Variants in RFC1 observed in about 807,000 individuals in gnomAD.
The protein encoded by RFC1 is replication factor C subunit 1.
A neutral mutation model predicts 137.4 loss-of-function variants in RFC1; 37 were observed. The observed-to-expected ratio is 0.27, with a 90% CI of 0.21 to 0.35. RFC1 has a LOEUF of 0.35. Among genes scored for constraint, RFC1 ranks in the 10% least tolerant of loss-of-function variants. The pLI is 1.00. For missense variants in RFC1, 1,205 were observed against 1,358.5 expected, an observed-to-expected ratio of 0.89 and a Z score of 1.78; for synonymous variants, 429 against 455.7, an observed-to-expected ratio of 0.94 and a Z score of 0.75.
intron 6 of RFC1, among the ~76,000 whole-genome samples, chr4:39,326,255 A>G (rs1739758293): frequency 6.6e-6 from 1 of 152,178 alleles, no homozygotes; most frequent in Non-Finnish European, 1.5e-5. Flanking sequence ...ACTAAATTCC[A>G]AAGTCCTTAT....
chr4:39,365,850 C>T (rs563348212), intron 1 of RFC1, among the ~76,000 whole-genome samples: 4 of 152,290 alleles, frequency 2.6e-5, no homozygotes, highest in South Asian at 4.1e-4. Context: ...CCCTCGTGAC[C>T]CAAAGCTTGA....
chr4:39,332,755 C>T lies in RFC1; in HGVS notation c.332-4999G>A, dbSNP rs546674449. On this transcript the variant is annotated intron_variant, in intron 4 of 24. Coordinates refer to ENST00000349703, the MANE Select transcript of RFC1 (RefSeq NM_002913.5). ...GAAGTCTGCCCTTATTTCTTCCTTA[C>T]GTCCCCTTCTCTATAAATAGTAAAA... Among the ~76,000 whole-genome samples the T allele has an allele frequency of 7.9e-5, 12 of 152,308 alleles. No homozygotes were observed. The East Asian group carries it at 1.3e-3, about 17-fold the overall frequency.
intron 1 of RFC1, among the ~76,000 whole-genome samples, chr4:39,361,958 G>A (rs1741782003): frequency 6.6e-6 from 1 of 152,136 alleles, no homozygotes; most frequent in South Asian, 2.1e-4. Context: ...AGAATGGGGT[G>A]AACCCGGGAG....
intron 23 of RFC1, among the ~76,000 whole-genome samples, chr4:39,290,690 C>T (rs1380910600): frequency 6.6e-6 from 1 of 151,806 alleles, no homozygotes; most frequent in East Asian, 1.9e-4. Flanking sequence ...TGGAGTGCAC[C>T]TGTAATCCCA....
At chr4:39,356,540 G>T (rs778777858) in intron 1 of RFC1, among the ~76,000 whole-genome samples, 1 of 152,158 alleles carries the variant, frequency 6.6e-6, no homozygotes, top group Non-Finnish European at 1.5e-5. Context: ...TGTATTAAAA[G>T]AATCTTTTAA....
chr4:39,314,402 C>G (rs1189908998), intron 10 of RFC1, among the ~76,000 whole-genome samples: 1 of 152,158 alleles, frequency 6.6e-6, no homozygotes, highest in Non-Finnish European at 1.5e-5. Flanking sequence ...CTCTGATTAT[C>G]TTTTTACTTA....
At chr4:39,328,583 A>G (rs1739903865) in intron 4 of RFC1, among the ~76,000 whole-genome samples, 1 of 152,192 alleles carries the variant, frequency 6.6e-6, no homozygotes, top group Admixed American at 6.5e-5. Context: ...ACAAATGGAA[A>G]AGCCGAGACG....
intron 2 of RFC1, 28 bp downstream of exon 2, chr4:39,351,320 A>G: frequency 7.1e-7 from 1 of 1,406,692 alleles, no homozygotes; most frequent in Non-Finnish European, 9.5e-7. Flanking sequence ...CATTTCATTC[A>G]ATGCAAAATT....
In RFC1 at chr4:39,355,098, TACACACACACACACAC is replaced by T. The variant is rs59438877; in HGVS notation, c.4-3638_4-3623del. The stretch of plus-strand genomic sequence containing the variant: ...CTCATCTCAAAAAAAAAAAAAAAAA[TACACACACACACACAC>T]ACACACACACACACACACACACAAC... On this transcript the variant is annotated intron_variant, in intron 1 of 24. Coordinates refer to ENST00000349703, the MANE Select transcript of RFC1 (RefSeq NM_002913.5). Among the ~76,000 whole-genome samples, 29 of 88,966 alleles carry T rather than the reference TACACACACACACACAC, an allele frequency of 3.3e-4. 1 individual carries two copies. Among genetic ancestry groups the T allele is most frequent in the African/African-American group, 9.5e-4 (20 of 20,960 alleles). The allele number at this position is 88,966 out of a possible 152,430, so 58.4% of individuals were successfully genotyped here.
At chr4:39,348,262 A>C (rs1285405740) in intron 2 of RFC1, among the ~76,000 whole-genome samples, 1 of 151,032 alleles carries the variant, frequency 6.6e-6, no homozygotes, top group African/African-American at 2.4e-5. Flanking sequence ...TCTCTAGGAA[A>C]AATACAAAAA....
At chr4:39,341,636 C>T (rs1318888941) in intron 4 of RFC1, 2 of 456,254 alleles carry the variant, frequency 4.4e-6, no homozygotes, top group South Asian at 3.1e-5. Context: ...TCACGTACAG[C>T]ATCCCGTATT....
At chr4:39,315,454 A>G (rs1739191789) in intron 10 of RFC1, among the ~76,000 whole-genome samples, 1 of 152,224 alleles carries the variant, frequency 6.6e-6, no homozygotes, top group Admixed American at 6.5e-5. Context: ...CTAGTTTACC[A>G]GATGCTATTA....
Position 39,312,778 on chromosome 4 carries a change from C to G in RFC1, c.1357G>C (p.Asp453His). 2 of 1,614,130 alleles carry G rather than the reference C, an allele frequency of 1.2e-6. No individual in the cohort carries two copies. The highest frequency in any genetic ancestry group is 1.7e-6 in the Non-Finnish European group (2 of 1,179,992). ...KKTNYLVMGRDSGQSKSDKAA... is the reference protein window; with the variant it reads ...KKTNYLVMGRHSGQSKSDKAA... ...TTATCACTCTTGGACTGTCCACTAT[C>G]ACGACCCATGACAAGATAATTTGTT... The change falls in exon 11 of 25, where the codon GAT becomes CAT. Residue 453 changes from aspartate to histidine, a missense_variant. Asp to His is a moderately conservative substitution (Grantham distance 81). This residue lies in a region of RFC1 where 962 missense variants were observed against 1,035.3 expected (regional missense o/e 0.93). Transcript: ENST00000349703.
chr4:39,320,140 G>A (rs930371338), intron 9 of RFC1, among the ~76,000 whole-genome samples: 6 of 151,784 alleles, frequency 4.0e-5, no homozygotes, highest in East Asian at 1.9e-4. Flanking sequence ...ACCTGAGGTC[G>A]GGAGTTCAAG....
chr4:39,342,830 C>T (rs1292400426), intron 3 of RFC1, among the ~76,000 whole-genome samples: 1 of 152,168 alleles, frequency 6.6e-6, no homozygotes, highest in Non-Finnish European at 1.5e-5. Context: ...TTCCAGTCTC[C>T]AGTGGATGCC....
rs1368902896 is a variant in RFC1 at position 39,308,738 on chromosome 4, G to A, written c.1783C>T (p.Leu595Phe). 4 of 1,614,160 alleles carry A rather than the reference G, an allele frequency of 2.5e-6. No individual in the cohort carries two copies. The highest frequency in any genetic ancestry group is 3.3e-5 in the Admixed American group (2 of 60,022). Residue 595 changes from leucine to phenylalanine, a missense_variant, in exon 13 of 25, where the codon CTC becomes TTC. Physicochemically the swap from Leu to Phe is conservative, Grantham distance 22. This residue lies in a region of RFC1 where 962 missense variants were observed against 1,035.3 expected (regional missense o/e 0.93). Coordinates refer to ENST00000349703, the MANE Select transcript of RFC1 (RefSeq NM_002913.5). The part of the protein sequence containing the change: ...LWVDKYKPTS[L>F]KTIIGQQGDQ... ...CCTTGCTGTCCAATTATGGTCTTGA[G>A]CGAGGTTGGCTTATATTTATCCACC...
intron 8 of RFC1, 116 bp downstream of exon 8, chr4:39,321,171 G>T: frequency 1.2e-6 from 1 of 808,844 alleles, no homozygotes. Flanking sequence ...ATAGTCCTGT[G>T]AAATAATGTC....
rs1337600552 is a variant in RFC1 at position 39,308,718 on chromosome 4, C to T, written c.1803G>A (p.Gln601=). The change falls in exon 13 of 25, where the codon CAG becomes CAA. Residue 601 remains glutamine, a synonymous_variant. Transcript: ENST00000349703. ...KPTSLKTIIG[Q]QGDQSCANKL... ...TGTTGGCACAGCTCTGGTCACCTTGCTGTCCAATTATGGTCTTGAGCGAGG... is the reference window on the plus strand; with the variant it reads ...TGTTGGCACAGCTCTGGTCACCTTGTTGTCCAATTATGGTCTTGAGCGAGG... The T allele has an allele frequency of 1.9e-6, 3 of 1,614,094 alleles. No homozygotes were observed. The highest frequency in any genetic ancestry group is 2.5e-6 in the Non-Finnish European group (3 of 1,180,040).
intron 1 of RFC1, among the ~76,000 whole-genome samples, chr4:39,365,152 T>TG (rs1360770998): frequency 6.8e-5 from 1 of 14,690 alleles, no homozygotes; most frequent in African/African-American, 4.1e-4. Context: ...TGGGTTGAAA[T>TG]GAAAAAAAAA....
Sources: allele counts gnomAD v4.1 joint callset (sites outside exome capture counted in the v4.1 genomes callset), GRCh38; gene constraint gnomAD v4.1.1; regional missense constraint gnomAD v4.1.1; transcripts MANE v1.5; gene names NCBI Gene and HGNC (gene_info 2026-07-23, HGNC 2026-07-21).